Variants in FER1L6 observed in about 807,000 individuals in gnomAD.
FER1L6 encodes fer-1-like protein 6.
FER1L6 carries 177 observed loss-of-function variants against 219.2 expected under a neutral mutation model. That is an observed-to-expected ratio of 0.81 (90% CI 0.71 to 0.91). The LOEUF (loss-of-function observed/expected upper bound fraction) is 0.91, where lower values mean the gene tolerates loss of function less well. FER1L6 is among the 40% of genes least tolerant of loss of function. The pLI is 0.00. For missense variants in FER1L6, 2,153 were observed against 2,259.9 expected (o/e 0.95, Z 0.96); for synonymous variants, 768 against 824.3 (o/e 0.93, Z 1.17).
At chr8:123,923,319 C>T (rs535332041) in intron 1 of FER1L6, among the ~76,000 whole-genome samples, 2 of 152,230 alleles carry the variant, frequency 1.3e-5, no homozygotes, top group Non-Finnish European at 2.9e-5. Flanking sequence ...GTCAATGTCA[C>T]CTGCAGAATG....
intron 33 of FER1L6, among the ~76,000 whole-genome samples, chr8:124,082,899 T>C (rs562968505): frequency 6.6e-6 from 1 of 152,252 alleles, no homozygotes; most frequent in African/African-American, 2.4e-5. Flanking sequence ...TGAGGCGTTA[T>C]CCGCATTTTA....
At chr8:124,100,037 A>G (rs1315499788) in intron 37 of FER1L6, among the ~76,000 whole-genome samples, 2 of 152,244 alleles carry the variant, frequency 1.3e-5, no homozygotes, top group African/African-American at 4.8e-5. Flanking sequence ...CAGAACAGAC[A>G]TCACAAATGT....
At chr8:124,063,212 G>A (rs1820670463) in intron 25 of FER1L6, among the ~76,000 whole-genome samples, 1 of 152,032 alleles carries the variant, frequency 6.6e-6, no homozygotes, top group Admixed American at 6.6e-5. Context: ...CCTGTAGATT[G>A]TAGATATTGT....
chr8:124,012,438 A>G (rs541618963), intron 14 of FER1L6, among the ~76,000 whole-genome samples: 2 of 152,346 alleles, frequency 1.3e-5, no homozygotes, highest in African/African-American at 4.8e-5. Context: ...CCATAGTGAC[A>G]TTCATTTCTA....
intron 1 of FER1L6, among the ~76,000 whole-genome samples, chr8:123,883,713 G>T (rs1182200761): frequency 6.6e-6 from 1 of 152,162 alleles, no homozygotes; most frequent in Non-Finnish European, 1.5e-5. Flanking sequence ...TGAGGGTTCA[G>T]TCTTTGCTTC....
At chr8:123,903,787 C>T (rs547927307) in intron 1 of FER1L6, among the ~76,000 whole-genome samples, 13 of 152,208 alleles carry the variant, frequency 8.5e-5, no homozygotes, top group Non-Finnish European at 1.3e-4. Context: ...CTGGGAATAC[C>T]GCCCTAACCC....
intron 18 of FER1L6, among the ~76,000 whole-genome samples, chr8:124,032,969 A>G (rs892979420): frequency 7.9e-5 from 12 of 152,220 alleles, no homozygotes; most frequent in African/African-American, 2.7e-4. Context: ...CTGGCAATCC[A>G]TGTGCTCACA....
chr8:123,866,560 A>G (rs528386948), intron 1 of FER1L6, among the ~76,000 whole-genome samples: 22 of 152,128 alleles, frequency 1.4e-4, no homozygotes, highest in Non-Finnish European at 2.6e-4. Flanking sequence ...TTTTAAGGAA[A>G]CATCATGCTA....
At chr8:123,920,373 C>T (rs779769426) in intron 1 of FER1L6, among the ~76,000 whole-genome samples, 2 of 152,214 alleles carry the variant, frequency 1.3e-5, no homozygotes, top group Non-Finnish European at 2.9e-5. Context: ...TGGATGGCCC[C>T]ATCATCTAGC....
At chr8:123,908,407 A>C (rs1401773086) in intron 1 of FER1L6, among the ~76,000 whole-genome samples, 1 of 152,216 alleles carries the variant, frequency 6.6e-6, no homozygotes, top group African/African-American at 2.4e-5. Flanking sequence ...TCTTTGGAAA[A>C]TAATTTATTT....
Position 124,095,055 on chromosome 8 carries a change from T to A in FER1L6, c.4695+17T>A. 1 of 1,613,732 alleles carries A rather than the reference T, an allele frequency of 6.2e-7. No individual in the cohort carries two copies. The highest frequency in any genetic ancestry group is 8.5e-7 in the Non-Finnish European group (1 of 1,179,802). ...ATGGAGCAGGTAGTGGGCAAGACTA[T>A]TCTGGCCCTAAAAGTTAATCTTGTG... On this transcript the variant is annotated intron_variant, in intron 35 of 40. Transcript: ENST00000522917.
chr8:123,957,352 T>C (rs1815068931), intron 2 of FER1L6, among the ~76,000 whole-genome samples: 1 of 152,194 alleles, frequency 6.6e-6, no homozygotes, highest in Non-Finnish European at 1.5e-5. Flanking sequence ...TCAATGAAAC[T>C]TCCAGGGAGT....
In FER1L6 at chr8:123,963,517, G is replaced by T. The variant is rs577073957; in HGVS notation, c.197+119G>T. On this transcript the variant is annotated intron_variant, in intron 3 of 40. Coordinates refer to ENST00000522917, the MANE Select transcript of FER1L6 (RefSeq NM_001039112.2). Reference sequence around the variant, plus strand: ...AGACATAGTCACTGTCTACAGGCAGGCAAGGTCTAAGGCAGGAAGACTGTG... The same window carrying T: ...AGACATAGTCACTGTCTACAGGCAGTCAAGGTCTAAGGCAGGAAGACTGTG... 3.2e-5 allele frequency: 38 copies of T among 1,181,650 alleles called. 1 individual carries two copies. In the South Asian group the frequency reaches 4.6e-4, roughly 14 times the overall value. The allele number at this position is 1,181,650 out of a possible 1,614,324, so 73.2% of individuals were successfully genotyped here. A position where few individuals can be genotyped will look rare whatever the true frequency, so the allele number is the denominator to read the frequency against.
At chr8:123,911,946 T>C (rs1248942062) in intron 1 of FER1L6, among the ~76,000 whole-genome samples, 1 of 152,192 alleles carries the variant, frequency 6.6e-6, no homozygotes, top group Non-Finnish European at 1.5e-5. Flanking sequence ...TCTGCTATCA[T>C]AGCACACCCT....
At chr8:123,934,681 A>G (rs1169745822) in intron 1 of FER1L6, among the ~76,000 whole-genome samples, 3 of 152,080 alleles carry the variant, frequency 2.0e-5, no homozygotes, top group Non-Finnish European at 2.9e-5. Context: ...ACAGCCTTTC[A>G]TCTAATGGTT....
chr8:124,103,659 A>G (rs948252320), intron 39 of FER1L6, among the ~76,000 whole-genome samples: 1 of 152,234 alleles, frequency 6.6e-6, no homozygotes, highest in South Asian at 2.1e-4. Flanking sequence ...AAAGTGATCC[A>G]TCCTTTTAAA....
At chr8:123,969,887 G>C in intron 5 of FER1L6, 148 bp from the exon 6 acceptor site, 1 of 430,610 alleles carries the variant, frequency 2.3e-6, no homozygotes, top group South Asian at 3.9e-5. Context: ...AAAAAAAAAA[G>C]AGAATTGACA....
chr8:123,875,589 C>T (rs779503840), intron 1 of FER1L6, among the ~76,000 whole-genome samples: 2 of 152,146 alleles, frequency 1.3e-5, no homozygotes, highest in African/African-American at 2.4e-5. Context: ...GCCTGAATTC[C>T]ATATATGTAT....
intron 13 of FER1L6, among the ~76,000 whole-genome samples, 158 bp from the exon 14 acceptor site, chr8:124,010,436 G>A (rs1207823207): frequency 6.6e-6 from 1 of 152,022 alleles, no homozygotes; most frequent in Non-Finnish European, 1.5e-5. Flanking sequence ...TTGCTCACAG[G>A]TCCCCAATTA....
Sources: gnomAD v4.1 joint callset for allele counts (sites outside exome capture counted in the v4.1 genomes callset) on GRCh38, gnomAD v4.1.1 for gene constraint, MANE v1.5 for transcripts, NCBI Gene and HGNC (gene_info 2026-07-23, HGNC 2026-07-21) for gene names.